CAMTA1: variants seen among roughly 807,000 people sequenced by gnomAD.
CAMTA1 encodes the protein calmodulin binding transcription activator 1, also known as calmodulin-binding transcription activator 1.
A neutral mutation model predicts 170.9 loss-of-function variants in CAMTA1; 27 were observed. The ratio of observed to expected loss-of-function variants is 0.16; its 90% CI spans 0.12 to 0.22. The LOEUF (loss-of-function observed/expected upper bound fraction) is 0.22, where lower values mean the gene tolerates loss of function less well. Among genes scored for constraint, CAMTA1 ranks in the 10% least tolerant of loss-of-function variants. The pLI is 1.00. For missense variants in CAMTA1, 1,619 were observed against 2,217.2 expected (o/e 0.73, Z 5.42); for synonymous variants, 833 against 891.5 (o/e 0.93, Z 1.17).
intron 10 of CAMTA1, among the ~76,000 whole-genome samples, chr1:7,671,533 G>A (rs1324727510): frequency 6.6e-6 from 1 of 152,222 alleles, no homozygotes; most frequent in African/African-American, 2.4e-5. Context: ...CCTGGGCAGG[G>A]GGCAGAAGGC....
At chr1:6,983,742 G>A (rs2100225904) in intron 3 of CAMTA1, among the ~76,000 whole-genome samples, 2 of 151,260 alleles carry the variant, frequency 1.3e-5, no homozygotes, top group South Asian at 4.2e-4. Flanking sequence ...GGATGGGTGG[G>A]TGGATAGAGG....
chr1:7,700,662 G>A (rs1283562494), intron 11 of CAMTA1: 1 of 152,168 alleles, frequency 6.6e-6, no homozygotes, highest in Non-Finnish European at 1.5e-5. Flanking sequence ...AGGGCCGGGG[G>A]AAAGAATGTG....
At position 7,146,787 on chromosome 1, in the gene CAMTA1, A is replaced by G. The variant is rs1646213952; in HGVS notation, c.302+55416A>G. On this transcript the variant is annotated intron_variant, in intron 4 of 22. Transcript: ENST00000303635. This position sits in a 1 kb window ranked among gnomAD's most constrained non-coding sequence, Gnocchi z 4.3. ...ACACACACTTGAGCATCATGCACACATATATACCACACAAATATACACCAT... is the reference window on the plus strand; with the variant it reads ...ACACACACTTGAGCATCATGCACACGTATATACCACACAAATATACACCAT... 6.6e-6 allele frequency among the ~76,000 whole-genome samples: 1 copy of G among 151,664 alleles called. No homozygotes were observed. The highest frequency in any genetic ancestry group is 1.5e-5 in the Non-Finnish European group (1 of 67,912).
chr1:7,020,803 G>A (rs1701232453), intron 3 of CAMTA1, among the ~76,000 whole-genome samples: 1 of 152,204 alleles, frequency 6.6e-6, no homozygotes, highest in Non-Finnish European at 1.5e-5. Context: ...CAATGCCACA[G>A]GAAGTGGCTG....
At chr1:7,034,434 G>A (rs1256435641) in intron 3 of CAMTA1, among the ~76,000 whole-genome samples, 4 of 152,164 alleles carry the variant, frequency 2.6e-5, no homozygotes, top group African/African-American at 9.7e-5. Flanking sequence ...GATTACCGGC[G>A]TGAGCCACGT....
In CAMTA1 at chr1:7,682,140, C is replaced by T. The variant is rs957899386; in HGVS notation, c.2914+4407C>T. ...CAGCTCCCCTGGGCTTGGCTGGTCT[C>T]CTGGGCAGGCCCCCTTCTGGCCTCA... On this transcript the variant is annotated intron_variant, in intron 11 of 22. Coordinates refer to ENST00000303635, the MANE Select transcript of CAMTA1 (RefSeq NM_015215.4). This position sits in a 1 kb window ranked among gnomAD's most constrained non-coding sequence, Gnocchi z 5.0. Among the ~76,000 whole-genome samples the T allele has an allele frequency of 6.1e-4, 93 of 152,208 alleles. 1 individual carries two copies. Among genetic ancestry groups the T allele is most frequent in the African/African-American group, 2.0e-3 (85 of 41,522 alleles).
chr1:6,984,331 G>T (rs1466283925), intron 3 of CAMTA1, among the ~76,000 whole-genome samples: 1 of 152,054 alleles, frequency 6.6e-6, no homozygotes, highest in East Asian at 1.9e-4. Context: ...TTTCTATTCT[G>T]AAAATGGCAG....
intron 1 of CAMTA1, among the ~76,000 whole-genome samples, chr1:6,798,077 AC>A (rs1259768295): frequency 1.3e-5 from 2 of 151,464 alleles, no homozygotes; most frequent in Admixed American, 6.6e-5. Context: ...GTTCATTGCA[AC>A]CTCCGCCGCC....
chr1:6,977,940 G>T (rs1693750225), intron 3 of CAMTA1, among the ~76,000 whole-genome samples: 2 of 152,154 alleles, frequency 1.3e-5, no homozygotes, highest in African/African-American at 4.8e-5. Flanking sequence ...TATGTTAAGT[G>T]AAATAAACCA....
chr1:7,072,565 T>G (rs1371318417), intron 3 of CAMTA1, among the ~76,000 whole-genome samples: 1 of 152,176 alleles, frequency 6.6e-6, no homozygotes, highest in Non-Finnish European at 1.5e-5. Context: ...ACAAATAGTA[T>G]AGCAAGATGC....
Position 7,664,845 on chromosome 1 carries a change from C to T in CAMTA1, c.2298C>T (p.Asp766=). 6.2e-7 allele frequency: 1 copy of T among 1,613,526 alleles called. No homozygotes were observed. Among genetic ancestry groups the T allele is most frequent in the Non-Finnish European group, 8.5e-7 (1 of 1,180,032 alleles). ...TGGAGCTCAGCCTGGACCACTTTGA[C>T]ATCTCCTTCAGCAACCAGTTCTCCG... The part of the protein sequence containing the change: ...SNMELSLDHF[D]ISFSNQFSDL... The change falls in exon 9 of 23, where the codon GAC becomes GAT. Residue 766 remains aspartate, a synonymous_variant. Coordinates refer to ENST00000303635, the MANE Select transcript of CAMTA1 (RefSeq NM_015215.4).
intron 5 of CAMTA1, among the ~76,000 whole-genome samples, chr1:7,422,567 C>T (rs1280408162): frequency 2.6e-5 from 4 of 152,184 alleles, no homozygotes; most frequent in African/African-American, 9.7e-5. Flanking sequence ...GAGGATGATA[C>T]ATCTTTTAGA....
chr1:6,842,870 G>A (rs1656438001), intron 3 of CAMTA1, among the ~76,000 whole-genome samples: 1 of 152,010 alleles, frequency 6.6e-6, no homozygotes, highest in Admixed American at 6.6e-5. Flanking sequence ...GTTGCAGTGA[G>A]CTGAGGTCGT....
At chr1:7,390,480 C>T (rs528993762) in intron 5 of CAMTA1, among the ~76,000 whole-genome samples, 46 of 152,312 alleles carry the variant, frequency 3.0e-4, no homozygotes, top group Admixed American at 2.4e-3. Context: ...TACCAGTGCA[C>T]GGCCCAGGAT....
At chr1:7,033,588 CTTTTTTT>C (rs34282545) in intron 3 of CAMTA1, among the ~76,000 whole-genome samples, 63 of 95,132 alleles carry the variant, frequency 6.6e-4, no homozygotes, top group African/African-American at 2.4e-3. Flanking sequence ...TGTAAATATT[CTTTTTTT>C]TTTTTTTTTT....
chr1:6,902,148 T>C (rs1188127087), intron 3 of CAMTA1, among the ~76,000 whole-genome samples: 1 of 151,918 alleles, frequency 6.6e-6, no homozygotes, highest in Non-Finnish European at 1.5e-5. Flanking sequence ...GGAAACAACA[T>C]TGACATTTTC....
At chr1:7,656,656 G>A (rs2095905795) in intron 7 of CAMTA1, among the ~76,000 whole-genome samples, 2 of 152,238 alleles carry the variant, frequency 1.3e-5, no homozygotes, top group Admixed American at 6.5e-5. Context: ...TGGAGCAGCT[G>A]CAACCCAAGA....
At chr1:7,449,978 C>T (rs557557775) in intron 5 of CAMTA1, among the ~76,000 whole-genome samples, 73 of 152,148 alleles carry the variant, frequency 4.8e-4, no homozygotes, top group African/African-American at 1.7e-3. Context: ...AGGAGAGGGG[C>T]AGGGTTTGAA....
chr1:7,210,392 C>T (rs937235469), intron 4 of CAMTA1, among the ~76,000 whole-genome samples: 5 of 152,098 alleles, frequency 3.3e-5, no homozygotes, highest in South Asian at 2.1e-4. Flanking sequence ...GCAGGAACAC[C>T]ACAGAAGCGA....
Sources: allele counts gnomAD v4.1 joint callset (sites outside exome capture counted in the v4.1 genomes callset), GRCh38; gene constraint gnomAD v4.1.1; non-coding constraint Gnocchi (gnomAD v3.1); transcripts MANE v1.5; gene names NCBI Gene and HGNC (gene_info 2026-07-23, HGNC 2026-07-21).